VPS13B: variants seen among roughly 807,000 people sequenced by gnomAD.
VPS13B encodes the protein vacuolar protein sorting 13 homolog B.
In VPS13B, 285 loss-of-function variants were observed where a neutral mutation model predicts 426.4. That is an observed-to-expected ratio of 0.67 (90% CI 0.61 to 0.74). VPS13B has a LOEUF of 0.74. Ranked by LOEUF, VPS13B falls within the 30% of genes least tolerant of loss-of-function variation. The probability of loss-of-function intolerance (pLI) is 0.00; values close to 1 mark genes in which losing one functional copy is unlikely to be tolerated. For synonymous variants in VPS13B, 1,676 were observed against 1,676.4 expected, an observed-to-expected ratio of 1.00 and a Z score of 0.01; for missense variants, 4,537 against 4,782.6, an observed-to-expected ratio of 0.95 and a Z score of 1.51.
chr8:99,656,532 C>A (rs1231734502), intron 34 of VPS13B, among the ~76,000 whole-genome samples: 3 of 152,204 alleles, frequency 2.0e-5, no homozygotes, highest in East Asian at 3.9e-4. Flanking sequence ...AGTGTGTTGA[C>A]CCTGAAGAAT....
At chr8:99,159,987 AG>A (rs1326820721) in intron 15 of VPS13B, among the ~76,000 whole-genome samples, 2 of 151,932 alleles carry the variant, frequency 1.3e-5, no homozygotes, top group Non-Finnish European at 2.9e-5. Flanking sequence ...AAGGTATATA[AG>A]TTTTTTTTTT....
intron 29 of VPS13B, 62 bp downstream of exon 29, chr8:99,511,574 T>C: frequency 6.5e-7 from 1 of 1,536,522 alleles, no homozygotes; most frequent in Non-Finnish European, 8.8e-7. Flanking sequence ...ACCTTAGTTT[T>C]CTGGGTTTTT....
chr8:99,370,431 A>G (rs1220979284), intron 19 of VPS13B, among the ~76,000 whole-genome samples: 1 of 152,100 alleles, frequency 6.6e-6, no homozygotes, highest in Admixed American at 6.5e-5. Context: ...GTGCCACTGG[A>G]TGAGAATTCA....
chr8:99,639,985 GTAATAATAA>G (rs58877812), intron 33 of VPS13B, among the ~76,000 whole-genome samples: 6,369 of 80,084 alleles, frequency 0.08, 409 homozygotes, highest in African/African-American at 0.094. Flanking sequence ...TTTAAAAATA[GTAATAATAA>G]TAATAATAAT....
At position 99,231,523 on chromosome 8, in the gene VPS13B, A is replaced by G. The variant is rs1361467448; in HGVS notation, c.2515+38466A>G. ...TTTTCTTTTTTAATAAATGTTTTCA[A>G]GGTTTGTCTAAAAGAAGGCCATATA... is the stretch of plus-strand genomic sequence containing the variant. On this transcript the variant is annotated intron_variant, in intron 17 of 61. Transcript: ENST00000357162. Among the ~76,000 whole-genome samples the G allele has an allele frequency of 3.9e-5, 6 of 152,096 alleles. No homozygotes were observed. In the East Asian group the frequency reaches 9.6e-4, roughly 24 times the overall value.
Position 99,859,339 on chromosome 8 carries a change from C to T in VPS13B, c.10903C>T (p.Pro3635Ser), listed in dbSNP as rs752682500. 8.7e-6 allele frequency: 14 copies of T among 1,613,804 alleles called. No homozygotes were observed. Among genetic ancestry groups the T allele is most frequent in the African/African-American group, 1.3e-5 (1 of 74,900 alleles). Residue 3635 changes from proline to serine, a missense_variant, in exon 57 of 62, where the codon CCT becomes TCT. By Grantham distance (74) the Pro-to-Ser change is moderately conservative. Coordinates refer to ENST00000357162, the MANE Select transcript of VPS13B (RefSeq NM_152564.5). ...TGGGTCTCTGGATATTCTTGGCAGC[C>T]CTGCAAGCCTGGTGAGAAGCATCGG... ...VVGSLDILGSPASLVRSIGNG... is the reference protein window; with the variant it reads ...VVGSLDILGSSASLVRSIGNG...
At chr8:99,298,988 A>T (rs1316883278) in intron 19 of VPS13B, among the ~76,000 whole-genome samples, 1 of 148,200 alleles carries the variant, frequency 6.7e-6, no homozygotes. Context: ...TTAGAGTTAG[A>T]TGTGATCTGG....
At chr8:99,870,650 G>A (rs745952071) in intron 59 of VPS13B, 135 bp from the exon 60 acceptor site, 22 of 759,710 alleles carry the variant, frequency 2.9e-5, no homozygotes, top group African/African-American at 1.9e-4. Context: ...TTATCTATAC[G>A]CTTGCTTCCA....
chr8:99,875,108 G>T, intron 61 of VPS13B: 1 of 386,144 alleles, frequency 2.6e-6, no homozygotes, highest in South Asian at 2.6e-5. Flanking sequence ...AAAGAACAAT[G>T]ACAGATGTTT....
chr8:99,186,597 T>C (rs762395810), intron 16 of VPS13B, among the ~76,000 whole-genome samples: 2 of 152,162 alleles, frequency 1.3e-5, no homozygotes, highest in Non-Finnish European at 2.9e-5. Context: ...TTGTGTAAGA[T>C]ACCATCTATA....
chr8:99,591,936 C>G (rs1353105265), intron 33 of VPS13B, among the ~76,000 whole-genome samples: 1 of 152,114 alleles, frequency 6.6e-6, no homozygotes, highest in African/African-American at 2.4e-5. Context: ...GGATAATATC[C>G]TGAAGAGTGT....
intron 3 of VPS13B, among the ~76,000 whole-genome samples, chr8:99,078,697 T>A (rs1422729833): frequency 1.3e-5 from 2 of 152,082 alleles, no homozygotes; most frequent in Non-Finnish European, 2.9e-5. Flanking sequence ...GTCTGGTGGG[T>A]CCTCAGAGTC....
chr8:99,665,113 C>T (rs1830428662), intron 35 of VPS13B, among the ~76,000 whole-genome samples: 1 of 152,128 alleles, frequency 6.6e-6, no homozygotes, highest in Non-Finnish European at 1.5e-5. Context: ...ACATAAATGT[C>T]TTCTTTTGAG....
chr8:99,863,332 A>C (rs1816928145), intron 58 of VPS13B, among the ~76,000 whole-genome samples: 1 of 152,202 alleles, frequency 6.6e-6, no homozygotes, highest in Admixed American at 6.5e-5. Flanking sequence ...CCAATGGATT[A>C]AGTGGCTGTA....
intron 17 of VPS13B, among the ~76,000 whole-genome samples, chr8:99,255,670 A>G (rs1341316360): frequency 6.6e-6 from 1 of 151,972 alleles, no homozygotes; most frequent in Non-Finnish European, 1.5e-5. Context: ...TCTGGCTCTC[A>G]GTGAGGCCTC....
intron 30 of VPS13B, among the ~76,000 whole-genome samples, chr8:99,545,910 A>G (rs1823945495): frequency 6.6e-6 from 1 of 152,080 alleles, no homozygotes; most frequent in African/African-American, 2.4e-5. Flanking sequence ...TAGACTATGT[A>G]GCCCTTGTTG....
At chr8:99,135,888 A>G (rs1810046817) in intron 11 of VPS13B, among the ~76,000 whole-genome samples, 155 bp downstream of exon 11, 1 of 152,076 alleles carries the variant, frequency 6.6e-6, no homozygotes, top group Admixed American at 6.5e-5. Flanking sequence ...GTATACATGT[A>G]GAAATGTTTG....
At chr8:99,764,631 G>A (rs996622403) in intron 39 of VPS13B, among the ~76,000 whole-genome samples, 1 of 151,762 alleles carries the variant, frequency 6.6e-6, no homozygotes, top group Non-Finnish European at 1.5e-5. Context: ...GATCAGGCTG[G>A]TCTTGAACTC....
intron 16 of VPS13B, among the ~76,000 whole-genome samples, chr8:99,189,228 C>T (rs371259958): frequency 2.6e-5 from 4 of 152,200 alleles, no homozygotes; most frequent in Non-Finnish European, 4.4e-5. Flanking sequence ...GGATTACAGG[C>T]GTGAGCCACC....
Sources: allele counts gnomAD v4.1 joint callset (sites outside exome capture counted in the v4.1 genomes callset), GRCh38; gene constraint gnomAD v4.1.1; transcripts MANE v1.5; gene names NCBI Gene and HGNC (gene_info 2026-07-23, HGNC 2026-07-21).